Variants in GRIN2B observed in about 807,000 individuals in gnomAD.
The protein encoded by GRIN2B is glutamate receptor ionotropic, NMDA 2B.
GRIN2B carries 5 observed loss-of-function variants against 114.5 expected under a neutral mutation model. The observed-to-expected ratio is 0.04, with a 90% CI of 0.02 to 0.09. GRIN2B has a LOEUF of 0.09. Among genes scored for constraint, GRIN2B ranks in the 10% least tolerant of loss-of-function variants. The pLI is 1.00. For synonymous variants in GRIN2B, 787 were observed against 745.1 expected, an observed-to-expected ratio of 1.06 and a Z score of -0.92; for missense variants, 1,108 against 1,943.5, an observed-to-expected ratio of 0.57 and a Z score of 8.08.
chr12:13,833,193 T>G (rs957360142), intron 3 of GRIN2B, among the ~76,000 whole-genome samples: 1 of 152,220 alleles, frequency 6.6e-6, no homozygotes, highest in Non-Finnish European at 1.5e-5. Flanking sequence ...GGATGTAGAC[T>G]TGTATTAACT....
intron 2 of GRIN2B, among the ~76,000 whole-genome samples, chr12:13,913,984 CATT>C (rs1248209420): frequency 7.2e-5 from 11 of 152,254 alleles, no homozygotes; most frequent in African/African-American, 2.6e-4. Flanking sequence ...GCTACATCAT[CATT>C]ATTATTAATT....
intron 2 of GRIN2B, among the ~76,000 whole-genome samples, chr12:13,895,569 G>A (rs1313714345): frequency 6.6e-6 from 1 of 152,100 alleles, no homozygotes; most frequent in Non-Finnish European, 1.5e-5. Context: ...AAGTTTGAAA[G>A]GCTAAGAATT....
intron 3 of GRIN2B, among the ~76,000 whole-genome samples, chr12:13,768,850 C>T (rs1293909476): frequency 1.3e-5 from 2 of 152,004 alleles, no homozygotes; most frequent in Non-Finnish European, 2.9e-5. Flanking sequence ...TTGGCTAACA[C>T]GGTGAAACAC....
intron 5 of GRIN2B, among the ~76,000 whole-genome samples, chr12:13,626,705 T>C (rs557106099): frequency 1.3e-5 from 2 of 152,208 alleles, no homozygotes; most frequent in East Asian, 3.9e-4. Flanking sequence ...TGGTTGCATG[T>C]GATTCTGGAT....
intron 3 of GRIN2B, among the ~76,000 whole-genome samples, chr12:13,778,300 C>T (rs888261496): frequency 2.0e-5 from 3 of 152,228 alleles, no homozygotes; most frequent in Non-Finnish European, 4.4e-5. Context: ...CAAGTTGTTT[C>T]TTCTGAAGAA....
intron 2 of GRIN2B, among the ~76,000 whole-genome samples, chr12:13,943,983 C>T (rs1025516791): frequency 6.6e-6 from 1 of 152,150 alleles, no homozygotes; most frequent in Non-Finnish European, 1.5e-5. Context: ...TAAGTATCTA[C>T]TGAATTAATG....
At chr12:13,570,355 C>T (rs979319069) in intron 11 of GRIN2B, among the ~76,000 whole-genome samples, 5 of 152,182 alleles carry the variant, frequency 3.3e-5, no homozygotes, top group African/African-American at 1.2e-4. Context: ...ACCACTGCAA[C>T]GAGCAACAAA....
At chr12:13,863,327 A>G (rs929571838) in intron 3 of GRIN2B, among the ~76,000 whole-genome samples, 2 of 152,218 alleles carry the variant, frequency 1.3e-5, no homozygotes, top group East Asian at 3.8e-4. Flanking sequence ...GTAATAGATC[A>G]CTTTCAGTCA....
chr12:13,678,096 CT>C (rs1409284600), intron 4 of GRIN2B, among the ~76,000 whole-genome samples: 2 of 152,154 alleles, frequency 1.3e-5, no homozygotes, highest in Non-Finnish European at 2.9e-5. Flanking sequence ...CAGAGATTCA[CT>C]TTTTATCTAT....
chr12:13,977,476 T>C (rs1234053630), intron 2 of GRIN2B: 1 of 152,258 alleles, frequency 6.6e-6, no homozygotes, highest in African/African-American at 2.4e-5. Context: ...TCCTTAACTG[T>C]GTCCTGGGAA....
intron 3 of GRIN2B, among the ~76,000 whole-genome samples, chr12:13,862,994 AAGTC>A (rs773833961): frequency 8.9e-4 from 136 of 152,282 alleles, no homozygotes; most frequent in Middle Eastern, 3.4e-3. Flanking sequence ...TCCAGGTCAA[AAGTC>A]AGATATTTAC....
At chr12:13,664,321 G>A (rs987982210) in intron 5 of GRIN2B, among the ~76,000 whole-genome samples, 5 of 152,084 alleles carry the variant, frequency 3.3e-5, no homozygotes, top group Admixed American at 1.3e-4. Context: ...GGGCTGGGGT[G>A]GGGGAGAAGA....
intron 4 of GRIN2B, among the ~76,000 whole-genome samples, chr12:13,691,610 T>C (rs1322785102): frequency 6.6e-6 from 1 of 152,124 alleles, no homozygotes; most frequent in Non-Finnish European, 1.5e-5. Context: ...ACATTCGATA[T>C]GATTGGGGAA....
chr12:13,679,383 T>G (rs1324092346), intron 4 of GRIN2B, among the ~76,000 whole-genome samples: 1 of 152,166 alleles, frequency 6.6e-6, no homozygotes, highest in Non-Finnish European at 1.5e-5. Flanking sequence ...TAAATCACAC[T>G]CATGAGCAAT....
At chr12:13,920,356 T>TC (rs1866802809) in intron 2 of GRIN2B, among the ~76,000 whole-genome samples, 1 of 152,172 alleles carries the variant, frequency 6.6e-6, no homozygotes, top group South Asian at 2.1e-4. Flanking sequence ...CACAGAAGCA[T>TC]CATTCATTGG....
At chr12:13,586,141 T>C (rs1948921580) in intron 10 of GRIN2B, among the ~76,000 whole-genome samples, 1 of 152,210 alleles carries the variant, frequency 6.6e-6, no homozygotes, top group South Asian at 2.1e-4. Flanking sequence ...TGAAAATCAT[T>C]CTAAACTATA....
chr12:13,906,309 C>A (rs1352250887), intron 2 of GRIN2B, among the ~76,000 whole-genome samples: 12 of 152,196 alleles, frequency 7.9e-5, no homozygotes, highest in African/African-American at 2.9e-4. Context: ...TAGTCAGGAC[C>A]TAACCTCTTG....
intron 10 of GRIN2B, among the ~76,000 whole-genome samples, chr12:13,573,028 G>A (rs1029003716): frequency 6.4e-5 from 8 of 125,518 alleles, no homozygotes; most frequent in South Asian, 4.3e-4. Context: ...GACCAGCTCC[G>A]CCACTTACCA....
At position 13,553,673 on chromosome 12, in the gene GRIN2B, T is replaced by TAA. The variant is rs764175552; in HGVS notation, c.*9108_*9109dup. 6.6e-6 allele frequency: 1 copy of TAA among 152,108 alleles called. No homozygotes were observed. The highest frequency in any genetic ancestry group is 2.4e-5 in the African/African-American group (1 of 41,396). The allele number at this position is 152,108 out of a possible 1,614,324, so 9.4% of individuals were successfully genotyped here. The stretch of plus-strand genomic sequence containing the variant: ...AAGGTTCTTTTGGTGCTGAAAGTGT[T>TAA]AAAAAAGAAGCTAAATATTGGATCA... On this transcript the variant is annotated 3_prime_UTR_variant, in exon 14 of 14. Transcript: ENST00000609686.
Sources: gnomAD v4.1 joint callset for allele counts (sites outside exome capture counted in the v4.1 genomes callset) on GRCh38, gnomAD v4.1.1 for gene constraint, MANE v1.5 for transcripts, NCBI Gene and HGNC (gene_info 2026-07-23, HGNC 2026-07-21) for gene names.